MDH1B: variants seen among roughly 807,000 people sequenced by gnomAD.
MDH1B encodes the protein putative malate dehydrogenase 1B.
A neutral mutation model predicts 61.4 loss-of-function variants in MDH1B; 60 were observed. That is an observed-to-expected ratio of 0.98 (90% CI 0.79 to 1.21). The LOEUF (loss-of-function observed/expected upper bound fraction) is 1.21. MDH1B is among the 50% of genes most tolerant of loss of function. The pLI is 0.00. For missense variants in MDH1B, 587 were observed against 632.1 expected, an observed-to-expected ratio of 0.93 and a Z score of 0.76; for synonymous variants, 236 against 218.7, an observed-to-expected ratio of 1.08 and a Z score of -0.70.
intron 5 of MDH1B, among the ~76,000 whole-genome samples, chr2:206,754,163 T>C (rs1329693585): frequency 1.3e-5 from 2 of 152,226 alleles, no homozygotes; most frequent in African/African-American, 4.8e-5. Context: ...GCTCTGGCTA[T>C]AATGTTAGGG....
intron 5 of MDH1B, among the ~76,000 whole-genome samples, chr2:206,753,917 T>C (rs1688598928): frequency 6.6e-6 from 1 of 151,982 alleles, no homozygotes; most frequent in African/African-American, 2.4e-5. Flanking sequence ...AGATTCTTCT[T>C]GATACTTTTC....
Position 206,751,079 on chromosome 2 carries a change from TGAA to T in MDH1B, c.911-7_911-5del. Reference sequence around the variant, plus strand: ...CAAATGATCACGTCTTTAATGTCTGTGAAGAATAGAAAGTTTAGAAAAATAATA... The same window carrying T: ...CAAATGATCACGTCTTTAATGTCTGTGAATAGAAAGTTTAGAAAAATAATA... On this transcript the variant is annotated splice_polypyrimidine_tract_variant and splice_region_variant and intron_variant, in intron 5 of 11. Coordinates refer to ENST00000374412, the MANE Select transcript of MDH1B (RefSeq NM_001039845.3). 1 of 1,538,154 alleles carries T rather than the reference TGAA, an allele frequency of 6.5e-7. No homozygotes were observed. Among genetic ancestry groups the T allele is most frequent in the Non-Finnish European group, 8.8e-7 (1 of 1,139,734 alleles).
chr2:206,758,370 C>A (rs961233089), intron 2 of MDH1B, among the ~76,000 whole-genome samples: 5 of 152,166 alleles, frequency 3.3e-5, no homozygotes. Flanking sequence ...CCTCAGAAGA[C>A]AGGGACAACA....
At position 206,760,892 on chromosome 2, in the gene MDH1B, G is replaced by A. The variant is rs1295693705; in HGVS notation, c.135+9C>T. The A allele has an allele frequency of 6.6e-7, 1 of 1,518,856 alleles. No individual in the cohort carries two copies. The highest frequency in any genetic ancestry group is 9.1e-7 in the Non-Finnish European group (1 of 1,095,996). The allele number at this position is 1,518,856 out of a possible 1,614,324, so 94.1% of individuals were successfully genotyped here. A position where few individuals can be genotyped will look rare whatever the true frequency, so the allele number is the denominator to read the frequency against. On this transcript the variant is annotated intron_variant, in intron 2 of 11. Coordinates refer to ENST00000374412, the MANE Select transcript of MDH1B (RefSeq NM_001039845.3). ...TGAGTGAGTTCAACAAACTATAAAG[G>A]CTTCTTACCTCCCAAACCTCAGGAC...
Position 206,755,392 on chromosome 2 carries a change from T to C in MDH1B, c.527A>G (p.His176Arg). 1 of 1,614,222 alleles carries C rather than the reference T, an allele frequency of 6.2e-7. No homozygotes were observed. The change falls in exon 5 of 12, where the codon CAT becomes CGT. Residue 176 changes from histidine (H) to arginine (R), a missense_variant. Physicochemically the swap from His to Arg is conservative, Grantham distance 29. Transcript: ENST00000374412. ...GGTCTCCACCACAAGGCTTTTGAGA[T>C]GTTCTTCCGCCTGCTTGTTGTCAAA... ...TLFDNKQAEE[H>R]LKSLVVETQD...
At position 206,757,219 on chromosome 2, in the gene MDH1B, A is replaced by G. The variant is rs746542057; in HGVS notation, c.270+18T>C. The G allele has an allele frequency of 1.9e-6, 3 of 1,601,408 alleles. No homozygotes were observed. The highest frequency in any genetic ancestry group is 2.2e-5 in the East Asian group (1 of 44,814). On this transcript the variant is annotated intron_variant, in intron 3 of 11. Transcript: ENST00000374412. ...AAGAGAATTATCATTATTAGAACAG[A>G]TAAGTTAACTTATATACCTGAGCAT...
At chr2:206,743,205 T>C (rs1687915246) in intron 9 of MDH1B, among the ~76,000 whole-genome samples, 1 of 152,148 alleles carries the variant, frequency 6.6e-6, no homozygotes, top group Non-Finnish European at 1.5e-5. Context: ...ATTTCTGCCC[T>C]CTCCATTGCA....
intron 9 of MDH1B, 100 bp downstream of exon 9, chr2:206,745,522 A>G: frequency 1.1e-6 from 1 of 902,966 alleles, no homozygotes; most frequent in East Asian, 2.6e-5. Flanking sequence ...ATGACAAAAT[A>G]TAAATGAGAG....
chr2:206,745,220 A>G, intron 9 of MDH1B: 1 of 326,982 alleles, frequency 3.1e-6, no homozygotes, highest in Non-Finnish European at 6.1e-6. Flanking sequence ...CAAAGCTAGA[A>G]AAAGCAAGAA....
chr2:206,755,439 A>G lies in MDH1B; in HGVS notation c.480T>C (p.His160=). 3 of 1,614,216 alleles carry G rather than the reference A, an allele frequency of 1.9e-6. No homozygotes were observed. The highest frequency in any genetic ancestry group is 1.3e-5 in the African/African-American group (1 of 75,070). ...ILTSGEVFGM[H]TEISITLFDN... is the part of the protein sequence containing the mutation. ...CAAATAGAGTTATGCTAATTTCTGT[A>G]TGCATCCCAAACACTTCGCCACTCG... The change falls in exon 5 of 12, where the codon CAT becomes CAC. Residue 160 remains histidine (H), a synonymous_variant. Transcript: ENST00000374412.
rs762395669 is a variant in MDH1B at position 206,739,633 on chromosome 2, T to C, written c.1488A>G (p.Gln496=). 27 of 1,614,072 alleles carry C rather than the reference T, an allele frequency of 1.7e-5. No individual in the cohort carries two copies. Among genetic ancestry groups the C allele is most frequent in the Non-Finnish European group, 2.3e-5 (27 of 1,179,960 alleles). The change falls in exon 11 of 12, where the codon CAA becomes CAG. Residue 496 remains glutamine (Q), a synonymous_variant. Coordinates refer to ENST00000374412, the MANE Select transcript of MDH1B (RefSeq NM_001039845.3). ...DAAEFPNQIP[Q]TTFEKPQSLE... ...GACTCTGTGGCTTTTCAAAGGTGGTTTGAGGAATCTGATTTGGAAACTCTG... is the reference window on the plus strand; with the variant it reads ...GACTCTGTGGCTTTTCAAAGGTGGTCTGAGGAATCTGATTTGGAAACTCTG...
chr2:206,751,843 TTAAA>T (rs1419103818), intron 5 of MDH1B, among the ~76,000 whole-genome samples: 2 of 152,248 alleles, frequency 1.3e-5, no homozygotes, highest in African/African-American at 4.8e-5. Context: ...TATGAAAACT[TTAAA>T]TAAATAATTT....
Position 206,749,027 on chromosome 2 carries a change from C to T in MDH1B, c.1209G>A (p.Leu403=). ...TGAAAAACCCAGATTTACCTTCACT[C>T]AATATTCCTAAAGATACAATCTCCC... ...PPGEIVSLGI[L]SEGQFGIPKG... Residue 403 remains leucine (L), a synonymous_variant, in exon 7 of 12, where the codon TTG becomes TTA. Coordinates refer to ENST00000374412, the MANE Select transcript of MDH1B (RefSeq NM_001039845.3). 1.2e-6 allele frequency: 2 copies of T among 1,612,956 alleles called. No homozygotes were observed. The highest frequency in any genetic ancestry group is 8.5e-7 in the Non-Finnish European group (1 of 1,179,520).
chr2:206,756,554 G>A, intron 4 of MDH1B: 1 of 225,408 alleles, frequency 4.4e-6, no homozygotes, highest in East Asian at 1.2e-4. Context: ...GGGAGTGGGT[G>A]CATAGAGAAA....
Position 206,746,462 on chromosome 2 carries a change from A to G in MDH1B, c.1217-36T>C, listed in dbSNP as rs761164908. The G allele has an allele frequency of 1.9e-6, 3 of 1,580,672 alleles. No homozygotes were observed. The East Asian group carries it at 6.9e-5, about 36-fold the overall frequency. ...CAAACACAAAGCAAAGCAATGCAGCAGAACTTAGAAACATGCACCTTTTCT... is the reference window on the plus strand; with the variant it reads ...CAAACACAAAGCAAAGCAATGCAGCGGAACTTAGAAACATGCACCTTTTCT... On this transcript the variant is annotated intron_variant, in intron 7 of 11. Transcript: ENST00000374412.
intron 4 of MDH1B, 115 bp from the exon 5 acceptor site, chr2:206,755,620 A>G: frequency 8.6e-6 from 11 of 1,276,712 alleles, no homozygotes; most frequent in Non-Finnish European, 1.2e-5. Context: ...ATATTTAAAT[A>G]AGCACACACA....
In MDH1B at chr2:206,746,520, T is replaced by C. The variant is rs1002587206; in HGVS notation, c.1217-94A>G. On this transcript the variant is annotated intron_variant, in intron 7 of 11. Transcript: ENST00000374412. Reference sequence around the variant, plus strand: ...ATTGTAGAAAATGACAGACATAGTATAGGATTTTTAATGATAATGATGGAA... The same window carrying C: ...ATTGTAGAAAATGACAGACATAGTACAGGATTTTTAATGATAATGATGGAA... 6.2e-6 allele frequency: 8 copies of C among 1,297,202 alleles called. No individual in the cohort carries two copies. The African/African-American group carries it at 7.6e-5, about 12-fold the overall frequency. The allele number at this position is 1,297,202 out of a possible 1,614,324, so 80.4% of individuals were successfully genotyped here.
Position 206,750,988 on chromosome 2 carries a change from G to A in MDH1B, c.998C>T (p.Ala333Val), listed in dbSNP as rs758996026. The A allele has an allele frequency of 1.6e-5, 25 of 1,611,098 alleles. No homozygotes were observed. The East Asian group carries it at 5.4e-4, about 35-fold the overall frequency. ...TGAATAATGAAGAGGTCCCCAAATG[G>A]CACTCTCATATCTGTACACCCTTGT... is the stretch of plus-strand genomic sequence containing the variant. ...RKTRVYRYES[A>V]IWGPLHYSRP... The change falls in exon 6 of 12, where the codon GCC becomes GTC. Residue 333 changes from alanine (A) to valine (V), a missense_variant. Physicochemically the swap from Ala to Val is moderately conservative, Grantham distance 64 (BLOSUM62 0). Coordinates refer to ENST00000374412, the MANE Select transcript of MDH1B (RefSeq NM_001039845.3).
At chr2:206,762,541 A>C (rs1392199826) in intron 1 of MDH1B, among the ~76,000 whole-genome samples, 1 of 151,940 alleles carries the variant, frequency 6.6e-6, no homozygotes, top group Non-Finnish European at 1.5e-5. Flanking sequence ...TGTCATATTT[A>C]AATATACTCA....
Sources: allele counts gnomAD v4.1 joint callset (sites outside exome capture counted in the v4.1 genomes callset), GRCh38; gene constraint gnomAD v4.1.1; transcripts MANE v1.5; gene names NCBI Gene and HGNC (gene_info 2026-07-23, HGNC 2026-07-21).